The following ZFHX3 variants were observed in gnomAD, a reference collection of about 807,000 sequenced individuals.
The protein encoded by ZFHX3 is zinc finger homeobox protein 3.
Under a neutral mutation model 279.1 loss-of-function variants are expected in ZFHX3, and 42 were observed. The observed-to-expected ratio is 0.15, with a 90% CI of 0.12 to 0.19. ZFHX3 has a LOEUF of 0.19. ZFHX3 is among the 10% of genes least tolerant of loss of function. The pLI is 1.00. For missense variants in ZFHX3, 4,981 were observed against 4,754.0 expected, an observed-to-expected ratio of 1.05 and a Z score of -1.40; for synonymous variants, 2,293 against 1,957.8, an observed-to-expected ratio of 1.17 and a Z score of -4.52.
chr16:73,234,695 T>C (rs562017348), intron 5 of ZFHX3, among the ~76,000 whole-genome samples: 12 of 152,308 alleles, frequency 7.9e-5, no homozygotes, highest in South Asian at 4.1e-4. Context: ...GTTAATAATA[T>C]CGAGAATGAA....
chr16:73,276,340 G>C (rs2014303246), intron 4 of ZFHX3, among the ~76,000 whole-genome samples: 1 of 151,870 alleles, frequency 6.6e-6, no homozygotes, highest in Non-Finnish European at 1.5e-5. Flanking sequence ...CACATCACCA[G>C]ACTGGCTAAT....
intron 3 of ZFHX3, among the ~76,000 whole-genome samples, chr16:72,934,296 C>T (rs1275865851): frequency 4.6e-5 from 7 of 151,902 alleles, no homozygotes; most frequent in African/African-American, 1.2e-4. Flanking sequence ...GGCCTGGTGG[C>T]GGGCGCCTGT....
chr16:73,494,726 ATTT>A (rs368325532), intron 2 of ZFHX3, among the ~76,000 whole-genome samples: 1 of 146,992 alleles, frequency 6.8e-6, no homozygotes. Flanking sequence ...TGACCGGCTA[ATTT>A]TTTTTTTTTT....
intron 1 of ZFHX3, among the ~76,000 whole-genome samples, chr16:73,834,052 A>G (rs1961072100): frequency 6.6e-6 from 1 of 152,052 alleles, no homozygotes; most frequent in Non-Finnish European, 1.5e-5. Flanking sequence ...AGAAAGGAGG[A>G]GGGAGACATT....
chr16:73,591,714 A>AAAAG (rs1555526757), intron 2 of ZFHX3, among the ~76,000 whole-genome samples: 5 of 145,350 alleles, frequency 3.4e-5, no homozygotes, highest in Non-Finnish European at 7.7e-5. Flanking sequence ...AAAAAAAAAA[A>AAAAG]AAAAGAAAAG....
chr16:73,013,704 C>T (rs955650680), intron 1 of ZFHX3, among the ~76,000 whole-genome samples: 2 of 152,114 alleles, frequency 1.3e-5, no homozygotes, highest in African/African-American at 2.4e-5. Context: ...GAGAGGCCAC[C>T]AAATTTCATC....
chr16:73,036,640 G>A (rs907688106), intron 1 of ZFHX3, among the ~76,000 whole-genome samples: 1 of 152,004 alleles, frequency 6.6e-6, no homozygotes, highest in African/African-American at 2.4e-5. Context: ...GGGCCGGCAG[G>A]AGAGAGGGAG....
chr16:73,399,240 T>C (rs541136765), intron 3 of ZFHX3, among the ~76,000 whole-genome samples: 1 of 152,238 alleles, frequency 6.6e-6, no homozygotes, highest in Admixed American at 6.5e-5. Context: ...CCTGAGTATC[T>C]GGATTTTTGT....
chr16:73,889,767 T>C (rs1360294204), intron 1 of ZFHX3, among the ~76,000 whole-genome samples: 1 of 152,166 alleles, frequency 6.6e-6, no homozygotes, highest in Admixed American at 6.5e-5. Context: ...TTTCTTGAAG[T>C]TGACAGCGGC....
At chr16:72,883,400 C>T (rs1421707049) in intron 4 of ZFHX3, among the ~76,000 whole-genome samples, 1 of 152,156 alleles carries the variant, frequency 6.6e-6, no homozygotes, top group Non-Finnish European at 1.5e-5. Context: ...GCTAAAATCT[C>T]TATCAACAAG....
At chr16:73,565,158 A>G (rs907301360) in intron 2 of ZFHX3, among the ~76,000 whole-genome samples, 14 of 152,010 alleles carry the variant, frequency 9.2e-5, no homozygotes, top group African/African-American at 2.9e-4. Flanking sequence ...GGAGGCTGAG[A>G]CAGGAGAATC....
In ZFHX3 at chr16:72,787,283, C is replaced by A; in HGVS notation, c.10993G>T (p.Asp3665Tyr). The change falls in exon 10 of 10, where the codon GAC (aspartate) becomes TAC (tyrosine). Residue 3665 changes from aspartate to tyrosine, a missense_variant. By Grantham distance (160) the Asp-to-Tyr change is radical. Around this residue, in one of 7 missense-constraint regions of ZFHX3, gnomAD observed 1,034 missense variants for 786.0 expected, o/e 1.32. Coordinates refer to ENST00000268489, the MANE Select transcript of ZFHX3 (RefSeq NM_006885.4). ...TCGGACTTTTGGCTGAGATCCGTGTCAGACTCCTCCGAATAGTCGTCTGTT... is the reference window on the plus strand; with the variant it reads ...TCGGACTTTTGGCTGAGATCCGTGTAAGACTCCTCCGAATAGTCGTCTGTT... ...MPTDDYSEES[D>Y]TDLSQKSDGP... 6.2e-7 allele frequency: 1 copy of A among 1,614,054 alleles called. No individual in the cohort carries two copies. Among genetic ancestry groups the A allele is most frequent in the Non-Finnish European group, 8.5e-7 (1 of 1,180,030 alleles).
intron 2 of ZFHX3, among the ~76,000 whole-genome samples, chr16:73,461,512 T>C (rs1435504442): frequency 2.0e-5 from 3 of 152,188 alleles, no homozygotes; most frequent in Non-Finnish European, 4.4e-5. Context: ...AGTTGTATAG[T>C]TTTATGTTTT....
chr16:73,274,015 G>A (rs930456026), intron 4 of ZFHX3, among the ~76,000 whole-genome samples: 30 of 152,098 alleles, frequency 2.0e-4, no homozygotes, highest in Admixed American at 1.5e-3. Flanking sequence ...ATGGTGGTGC[G>A]CGCCTGTAAT....
intron 2 of ZFHX3, among the ~76,000 whole-genome samples, chr16:73,579,933 ATATAT>A (rs1032858623): frequency 1.1e-4 from 16 of 147,194 alleles, no homozygotes; most frequent in South Asian, 6.3e-4. Context: ...GTATAATGTG[ATATAT>A]TATAATGTAG....
chr16:73,395,664 G>A (rs2017112604), intron 3 of ZFHX3, among the ~76,000 whole-genome samples: 1 of 151,948 alleles, frequency 6.6e-6, no homozygotes, highest in Non-Finnish European at 1.5e-5. Flanking sequence ...AATTATTAAA[G>A]CCCCTATATG....
intron 1 of ZFHX3, among the ~76,000 whole-genome samples, chr16:73,820,186 T>C (rs915426233): frequency 6.6e-6 from 1 of 151,986 alleles, no homozygotes; most frequent in Non-Finnish European, 1.5e-5. Context: ...GCCTCCTGGG[T>C]TCATGCCATT....
chr16:73,280,490 T>A (rs767095816), intron 4 of ZFHX3, among the ~76,000 whole-genome samples: 1 of 151,838 alleles, frequency 6.6e-6, no homozygotes, highest in African/African-American at 2.4e-5. Flanking sequence ...AAATAACCAA[T>A]AGACACAGGA....
intron 5 of ZFHX3, among the ~76,000 whole-genome samples, chr16:73,201,077 G>A (rs1224687783): frequency 2.6e-5 from 4 of 152,110 alleles, no homozygotes; most frequent in African/African-American, 9.7e-5. Context: ...CTACTCCCTG[G>A]CTCTAGGTTG....
Sources: gnomAD v4.1 joint callset for allele counts (sites outside exome capture counted in the v4.1 genomes callset) on GRCh38, gnomAD v4.1.1 for gene constraint, gnomAD v4.1.1 regional missense constraint, MANE v1.5 for transcripts, NCBI Gene and HGNC (gene_info 2026-07-23, HGNC 2026-07-21) for gene names.